The following ANKRD36 variants were observed in gnomAD, a reference collection of about 807,000 sequenced individuals.
ANKRD36 encodes the protein ankyrin repeat domain-containing protein 36A.
ANKRD36 carries 179 observed loss-of-function variants against 278.1 expected under a neutral mutation model. The observed-to-expected ratio is 0.64, with a 90% CI of 0.57 to 0.73. The LOEUF (loss-of-function observed/expected upper bound fraction) is 0.73. Ranked by LOEUF, ANKRD36 falls within the 30% of genes least tolerant of loss-of-function variation. The probability of loss-of-function intolerance (pLI) is 0.00; values close to 1 mark genes in which losing one functional copy is unlikely to be tolerated. For missense variants in ANKRD36, 1,159 were observed against 1,956.7 expected (o/e 0.59, Z 7.69); for synonymous variants, 320 against 641.1 (o/e 0.50, Z 7.57).
At chr2:97,150,276 G>T (rs1197527669) in intron 12 of ANKRD36, among the ~76,000 whole-genome samples, 3 of 151,764 alleles carry the variant, frequency 2.0e-5, no homozygotes, top group Non-Finnish European at 4.4e-5. Context: ...TAATTAAAAA[G>T]AATCCACTCA....
At position 97,219,227 on chromosome 2, in the gene ANKRD36, T is replaced by C. The variant is rs935559033; in HGVS notation, c.3858T>C (p.Asp1286=). 7 of 1,572,522 alleles carry C rather than the reference T, an allele frequency of 4.5e-6. No individual in the cohort carries two copies. The East Asian group carries it at 1.4e-4, about 32-fold the overall frequency. The change falls in exon 66 of 76, where the codon GAT becomes GAC. Residue 1286 remains aspartate, a synonymous_variant. Transcript: ENST00000420699. ...SVLNTATKMK[D]VQTSTPAEQD... is the part of the protein sequence containing the mutation. ...TGAATACAGCCACCAAAATGAAGGA[T>C]GTACAAACATCCACACCAGGTAAAC...
intron 6 of ANKRD36, among the ~76,000 whole-genome samples, chr2:97,132,845 C>T (rs2040519578): frequency 6.6e-6 from 1 of 152,060 alleles, no homozygotes; most frequent in South Asian, 2.1e-4. Context: ...TGCTGAATTC[C>T]TGTAGCTTCG....
At chr2:97,213,161 T>C in intron 58 of ANKRD36, 1 of 253,700 alleles carries the variant, frequency 3.9e-6, no homozygotes, top group Non-Finnish European at 7.2e-6. Context: ...CACATTGATA[T>C]TGACACGGTT....
At chr2:97,208,242 C>T (rs1245866719) in intron 54 of ANKRD36, among the ~76,000 whole-genome samples, 3 of 146,682 alleles carry the variant, frequency 2.0e-5, no homozygotes, top group Non-Finnish European at 3.0e-5. Flanking sequence ...TTATGGAGAG[C>T]AGTTCAAGGC....
rs200075768 is a variant in ANKRD36 at position 97,218,516 on chromosome 2, T to C, written c.3776-534T>C. Among the ~76,000 whole-genome samples, 922 of 150,902 alleles carry C rather than the reference T, an allele frequency of 6.1e-3. 67 individuals carry two copies. The East Asian group carries it at 0.1, about 17-fold the overall frequency. On this transcript the variant is annotated intron_variant, in intron 64 of 75. Coordinates refer to ENST00000420699, the MANE Select transcript of ANKRD36 (RefSeq NM_001354587.1). Reference sequence around the variant, plus strand: ...TAACTACTAGGATTCACCAAACATATATCCAAGCAGATCAATTCAGGACAC... The same window carrying C: ...TAACTACTAGGATTCACCAAACATACATCCAAGCAGATCAATTCAGGACAC...
intron 56 of ANKRD36, among the ~76,000 whole-genome samples, 156 bp downstream of exon 56, chr2:97,210,028 G>T (rs1352001397): frequency 2.6e-5 from 4 of 151,838 alleles, no homozygotes; most frequent in Non-Finnish European, 5.9e-5. Context: ...TGGTGCTGAT[G>T]CTGCTGGCCT....
chr2:97,207,871 G>A (rs781486987), intron 53 of ANKRD36, 32 bp downstream of exon 53: 1 of 1,544,626 alleles, frequency 6.5e-7, no homozygotes. Flanking sequence ...TTGTGAACTA[G>A]TAAATGTATA....
At chr2:97,144,880 G>T (rs1262167473) in intron 10 of ANKRD36, among the ~76,000 whole-genome samples, 168 bp downstream of exon 10, 6 of 151,928 alleles carry the variant, frequency 3.9e-5, no homozygotes, top group Admixed American at 2.0e-4. Context: ...CTGATTTTTG[G>T]CCATGATCTG....
At chr2:97,145,168 A>G (rs1349248419) in intron 10 of ANKRD36, among the ~76,000 whole-genome samples, 1 of 152,042 alleles carries the variant, frequency 6.6e-6, no homozygotes, top group African/African-American at 2.4e-5. Context: ...TCCTCAGGGA[A>G]GAGGGATTGT....
intron 48 of ANKRD36, among the ~76,000 whole-genome samples, chr2:97,203,792 G>A (rs1254300477): frequency 4.4e-4 from 67 of 151,748 alleles, no homozygotes; most frequent in African/African-American, 9.7e-5. Flanking sequence ...TCATCACTCG[G>A]CATATCCACA....
At chr2:97,126,226 AG>A (rs2038606552) in intron 5 of ANKRD36, among the ~76,000 whole-genome samples, 1 of 139,340 alleles carries the variant, frequency 7.2e-6, no homozygotes, top group Non-Finnish European at 1.6e-5. Flanking sequence ...AAATGAAAGT[AG>A]GGTTTTGTCT....
At chr2:97,190,240 C>T (rs2153563414) in intron 34 of ANKRD36, among the ~76,000 whole-genome samples, 1 of 95,328 alleles carries the variant, frequency 1.0e-5, no homozygotes, top group Middle Eastern at 5.0e-3. Flanking sequence ...ATGCTTGTAG[C>T]AGTTTTACTT....
At chr2:97,206,994 T>G (rs2153613499) in intron 52 of ANKRD36, among the ~76,000 whole-genome samples, 1 of 151,704 alleles carries the variant, frequency 6.6e-6, no homozygotes, top group South Asian at 2.1e-4. Context: ...TGGATTCTAA[T>G]TAACTCCTAA....
intron 46 of ANKRD36, among the ~76,000 whole-genome samples, 171 bp downstream of exon 46, chr2:97,200,696 G>C (rs1367417663): frequency 6.6e-6 from 1 of 151,878 alleles, no homozygotes. Flanking sequence ...TCTGCAGCAT[G>C]ATCTTCGCTG....
In ANKRD36 at chr2:97,132,633, T is replaced by C. The variant is rs192015925; in HGVS notation, c.799+5499T>C. Reference sequence around the variant, plus strand: ...AGAAAACTAATTTCATATAATGCCATTATGTCAGAGTTTCCCAAGACCACC... The same window carrying C: ...AGAAAACTAATTTCATATAATGCCACTATGTCAGAGTTTCCCAAGACCACC... On this transcript the variant is annotated intron_variant, in intron 6 of 75. Coordinates refer to ENST00000420699, the MANE Select transcript of ANKRD36 (RefSeq NM_001354587.1). Among the ~76,000 whole-genome samples the C allele has an allele frequency of 3.3e-5, 5 of 152,052 alleles. 1 individual carries two copies. Among genetic ancestry groups the C allele is most frequent in the South Asian group, 4.2e-4 (2 of 4,810 alleles).
Position 97,209,714 on chromosome 2 carries a change from T to G in ANKRD36, c.3294+5T>G. ...CGGAAAAAACCAGCCTTGAAGGTAA[T>G]GAAACTCTCATTCATATTGTGAGCT... On this transcript the variant is annotated splice_donor_5th_base_variant and intron_variant, in intron 55 of 75. Transcript: ENST00000420699. 6.3e-7 allele frequency: 1 copy of G among 1,584,246 alleles called. No homozygotes were observed. Among genetic ancestry groups the G allele is most frequent in the Non-Finnish European group, 8.6e-7 (1 of 1,167,332 alleles).
chr2:97,115,328 A>C (rs976235391), intron 1 of ANKRD36, among the ~76,000 whole-genome samples: 1 of 152,140 alleles, frequency 6.6e-6, no homozygotes, highest in Non-Finnish European at 1.5e-5. Flanking sequence ...ACAGAAAAAA[A>C]CACAAATGCC....
At chr2:97,117,019 G>A (rs1262987651) in intron 1 of ANKRD36, among the ~76,000 whole-genome samples, 1 of 150,226 alleles carries the variant, frequency 6.7e-6, no homozygotes, top group Non-Finnish European at 1.5e-5. Context: ...GAAGCGTTAG[G>A]ACTTAATCCC....
intron 66 of ANKRD36, among the ~76,000 whole-genome samples, chr2:97,221,697 G>T (rs2067738576): frequency 6.6e-6 from 1 of 150,828 alleles, no homozygotes; most frequent in African/African-American, 2.5e-5. Context: ...CAGATGAGTA[G>T]GTTGTGAAAA....
Sources: allele counts gnomAD v4.1 joint callset (sites outside exome capture counted in the v4.1 genomes callset), GRCh38; gene constraint gnomAD v4.1.1; transcripts MANE v1.5; gene names NCBI Gene and HGNC (gene_info 2026-07-23, HGNC 2026-07-21).